Variants in TAF4B observed in about 807,000 individuals in gnomAD.
TAF4B encodes transcription initiation factor TFIID subunit 4B.
Under a neutral mutation model 86.4 loss-of-function variants are expected in TAF4B, and 38 were observed. That is an observed-to-expected ratio of 0.44 (90% CI 0.34 to 0.58). The LOEUF (loss-of-function observed/expected upper bound fraction) is 0.58. TAF4B is among the 20% of genes least tolerant of loss of function. The probability of loss-of-function intolerance (pLI) is 0.02; values close to 1 mark genes in which losing one functional copy is unlikely to be tolerated. For missense variants in TAF4B, 988 were observed against 1,027.6 expected (o/e 0.96, Z 0.53); for synonymous variants, 388 against 391.2 (o/e 0.99, Z 0.10).
intron 13 of TAF4B, among the ~76,000 whole-genome samples, chr18:26,356,635 A>G (rs1157920411): frequency 6.6e-6 from 1 of 152,148 alleles, no homozygotes; most frequent in Non-Finnish European, 1.5e-5. Flanking sequence ...TTGTTTGAAT[A>G]TGTGACTGTC....
chr18:26,245,280 C>G (rs1488084894), intron 1 of TAF4B, among the ~76,000 whole-genome samples: 1 of 152,116 alleles, frequency 6.6e-6, no homozygotes. Context: ...TTGGTTCCTT[C>G]CAGCAGGTTT....
intron 3 of TAF4B, among the ~76,000 whole-genome samples, chr18:26,269,995 A>C (rs143663921): frequency 3.3e-5 from 5 of 152,362 alleles, no homozygotes; most frequent in Non-Finnish European, 5.9e-5. Context: ...GAAGAAGTTA[A>C]CCACTTTAGA....
chr18:26,235,414 T>C (rs185176759), intron 1 of TAF4B, among the ~76,000 whole-genome samples: 1 of 152,348 alleles, frequency 6.6e-6, no homozygotes, highest in Non-Finnish European at 1.5e-5. Context: ...TAGGCGTAGA[T>C]ATTTGACTTG....
intron 7 of TAF4B, 145 bp downstream of exon 7, chr18:26,286,644 T>C: frequency 1.2e-6 from 1 of 841,128 alleles, no homozygotes; most frequent in Non-Finnish European, 1.8e-6. Context: ...TTACCTCATT[T>C]GCTTTGTTTT....
intron 1 of TAF4B, among the ~76,000 whole-genome samples, chr18:26,246,540 G>GTT (rs978977773): frequency 5.3e-5 from 8 of 149,810 alleles, no homozygotes; most frequent in Admixed American, 2.0e-4. Context: ...TGTTTTTGTG[G>GTT]TTTTTTTTTT....
intron 7 of TAF4B, 30 bp from the exon 8 acceptor site, chr18:26,292,216 C>A: frequency 1.2e-6 from 2 of 1,603,832 alleles, no homozygotes; most frequent in South Asian, 1.1e-5. Flanking sequence ...TTAAGTTGAA[C>A]AACTATATTG....
At chr18:26,327,568 C>G (rs1289345150) in intron 12 of TAF4B, among the ~76,000 whole-genome samples, 1 of 152,008 alleles carries the variant, frequency 6.6e-6, no homozygotes, top group Admixed American at 6.6e-5. Context: ...AGCGAGGCTT[C>G]TTTATTTAAT....
intron 9 of TAF4B, among the ~76,000 whole-genome samples, chr18:26,296,686 A>T (rs1014855596): frequency 1.3e-5 from 2 of 152,152 alleles, no homozygotes; most frequent in African/African-American, 4.8e-5. Flanking sequence ...AATATTTTCA[A>T]TACACCAAAA....
chr18:26,339,090 G>A (rs1033270476), intron 13 of TAF4B, among the ~76,000 whole-genome samples: 7 of 152,124 alleles, frequency 4.6e-5, no homozygotes, highest in African/African-American at 1.7e-4. Flanking sequence ...GGATATTCCT[G>A]TAATTCAAAC....
chr18:26,389,733 AGTACCTAACCCAGTGACCAGAGG>A, intron 14 of TAF4B, 89 bp from the exon 15 acceptor site: 14 of 1,113,124 alleles, frequency 1.3e-5, no homozygotes, highest in Non-Finnish European at 1.7e-5. Context: ...CATTATCTCC[AGTACCTAACCCAGTGACCAGAGG>A]GTAGTGGGCT....
intron 14 of TAF4B, among the ~76,000 whole-genome samples, chr18:26,375,660 A>T (rs1435949756): frequency 6.6e-6 from 1 of 152,182 alleles, no homozygotes. Flanking sequence ...AAGACTAATG[A>T]TGTTGAGCAT....
At chr18:26,340,158 A>G (rs1393963877) in intron 13 of TAF4B, among the ~76,000 whole-genome samples, 2 of 152,248 alleles carry the variant, frequency 1.3e-5, no homozygotes, top group South Asian at 4.1e-4. Context: ...TATAGGTTAT[A>G]AAAACTGTTG....
chr18:26,315,099 T>TCC, intron 9 of TAF4B, 130 bp from the exon 10 acceptor site: 1 of 166,542 alleles, frequency 6.0e-6, no homozygotes, highest in Non-Finnish European at 9.2e-6. Context: ...TCTGAAACTC[T>TCC]CTCTCTCTCT....
chr18:26,282,396 T>C (rs975415824), intron 6 of TAF4B, among the ~76,000 whole-genome samples: 8 of 152,238 alleles, frequency 5.3e-5, no homozygotes, highest in African/African-American at 1.4e-4. Context: ...GTGAGTCATA[T>C]GAAATTTTTG....
chr18:26,289,596 C>T (rs908722319), intron 7 of TAF4B, among the ~76,000 whole-genome samples: 6 of 152,136 alleles, frequency 3.9e-5, no homozygotes, highest in African/African-American at 1.4e-4. Flanking sequence ...AGATAATCCT[C>T]CCACCTCTGC....
At chr18:26,318,184 C>G (rs985313523) in intron 10 of TAF4B, among the ~76,000 whole-genome samples, 2 of 152,078 alleles carry the variant, frequency 1.3e-5, no homozygotes, top group African/African-American at 4.8e-5. Flanking sequence ...CAGGTGCGCA[C>G]TACTAAATCT....
intron 14 of TAF4B, among the ~76,000 whole-genome samples, chr18:26,368,241 G>A (rs958528872): frequency 2.0e-5 from 3 of 152,138 alleles, no homozygotes; most frequent in African/African-American, 7.2e-5. Flanking sequence ...TTAAGTAGGT[G>A]TCATTTTCTT....
intron 1 of TAF4B, among the ~76,000 whole-genome samples, chr18:26,245,696 G>A (rs1030895148): frequency 6.6e-6 from 1 of 152,118 alleles, no homozygotes; most frequent in Non-Finnish European, 1.5e-5. Flanking sequence ...TGATTGATGC[G>A]TTTTTACAGA....
chr18:26,261,422 G>A (rs1598735929), intron 1 of TAF4B, among the ~76,000 whole-genome samples: 1 of 151,862 alleles, frequency 6.6e-6, no homozygotes, highest in Admixed American at 6.6e-5. Context: ...GGATGGTCTC[G>A]ATCTCCTGAC....
Sources: allele counts gnomAD v4.1 joint callset (sites outside exome capture counted in the v4.1 genomes callset), GRCh38; gene constraint gnomAD v4.1.1; transcripts MANE v1.5; gene names NCBI Gene and HGNC (gene_info 2026-07-23, HGNC 2026-07-21).